PARVA: variants seen among roughly 807,000 people sequenced by gnomAD.
PARVA encodes the protein parvin alpha, also known as alpha-parvin.
A neutral mutation model predicts 52.6 loss-of-function variants in PARVA; 25 were observed. That is an observed-to-expected ratio of 0.48 (90% confidence interval 0.35 to 0.66). The LOEUF (loss-of-function observed/expected upper bound fraction) is 0.66. PARVA is among the 30% of genes least tolerant of loss of function. The pLI is 0.01. For missense variants in PARVA, 373 were observed against 450.9 expected, an observed-to-expected ratio of 0.83 and a Z score of 1.56; for synonymous variants, 185 against 179.1, an observed-to-expected ratio of 1.03 and a Z score of -0.26.
At chr11:12,384,612 A>T (rs962431795) in intron 1 of PARVA, among the ~76,000 whole-genome samples, 5 of 152,226 alleles carry the variant, frequency 3.3e-5, no homozygotes, top group Admixed American at 2.6e-4. Flanking sequence ...AGGCCTCACT[A>T]AGAAGGGTAG....
chr11:12,478,153 T>C, intron 4 of PARVA: 1 of 663,182 alleles, frequency 1.5e-6, no homozygotes, highest in Admixed American at 2.1e-5. Context: ...AGAGGGAGTC[T>C]CCATGACTAG....
intron 1 of PARVA, among the ~76,000 whole-genome samples, chr11:12,415,454 C>A (rs556609585): frequency 2.6e-5 from 4 of 151,836 alleles, no homozygotes; most frequent in Admixed American, 6.6e-5. Flanking sequence ...TCCCCTCCCC[C>A]ACCCCAACAT....
At position 12,475,367 on chromosome 11, in the gene PARVA, C is replaced by T. The variant is rs148974872; in HGVS notation, c.297+1384C>T. On this transcript the variant is annotated intron_variant, in intron 3 of 12. Transcript: ENST00000334956. ...ATAACCCTATCCTTAGTTCTGTTGT[C>T]GTCTCCACGTAATATTATAGCTTCT... Among the ~76,000 whole-genome samples the T allele has an allele frequency of 2.0e-3, 304 of 152,326 alleles. 1 individual carries two copies. Among genetic ancestry groups the T allele is most frequent in the African/African-American group, 6.9e-3 (285 of 41,574 alleles).
chr11:12,456,676 G>A (rs1940701968), intron 1 of PARVA, among the ~76,000 whole-genome samples: 1 of 152,128 alleles, frequency 6.6e-6, no homozygotes, highest in African/African-American at 2.4e-5. Context: ...CCTTTTGTAT[G>A]TCTTGTTCCC....
At chr11:12,422,936 A>G (rs1227042657) in intron 1 of PARVA, among the ~76,000 whole-genome samples, 1 of 151,810 alleles carries the variant, frequency 6.6e-6, no homozygotes, top group Non-Finnish European at 1.5e-5. Context: ...GCTCACTGCA[A>G]CCTCCACCTC....
At chr11:12,522,600 G>A (rs1325235983) in intron 12 of PARVA, among the ~76,000 whole-genome samples, 1 of 151,822 alleles carries the variant, frequency 6.6e-6, no homozygotes, top group Admixed American at 6.6e-5. Flanking sequence ...TGTATTTTTA[G>A]TAGAGACGGG....
At chr11:12,398,558 C>T (rs1189644264) in intron 1 of PARVA, among the ~76,000 whole-genome samples, 2 of 150,164 alleles carry the variant, frequency 1.3e-5, no homozygotes, top group African/African-American at 4.9e-5. Context: ...CACAGTCTAG[C>T]CTCTAGGGAC....
At chr11:12,403,822 C>G (rs142665344) in intron 1 of PARVA, among the ~76,000 whole-genome samples, 1 of 152,188 alleles carries the variant, frequency 6.6e-6, no homozygotes. Context: ...GGGGTTGGCA[C>G]CTCTAGTTAC....
intron 1 of PARVA, among the ~76,000 whole-genome samples, chr11:12,450,135 A>G (rs1940603677): frequency 6.6e-6 from 1 of 152,240 alleles, no homozygotes; most frequent in South Asian, 2.1e-4. Context: ...TAACTTGCCC[A>G]AGGTCACACA....
intron 5 of PARVA, 90 bp downstream of exon 5, chr11:12,496,688 A>G: frequency 7.5e-7 from 1 of 1,340,038 alleles, no homozygotes; most frequent in Non-Finnish European, 1.0e-6. Flanking sequence ...TAAGCTTGGC[A>G]GGCTTCAGGG....
chr11:12,377,282 G>A (rs1387268800), upstream of PARVA: 3 of 550,676 alleles, frequency 5.4e-6, no homozygotes, highest in African/African-American at 4.0e-5. Context: ...TGTGTTTTGC[G>A]CCAGGCTGTG....
chr11:12,455,329 G>A (rs182476927), intron 1 of PARVA, among the ~76,000 whole-genome samples: 10 of 152,248 alleles, frequency 6.6e-5, no homozygotes, highest in East Asian at 1.9e-4. Context: ...GATACATTTC[G>A]ATTTAGAAAA....
chr11:12,512,520 AC>A (rs1282355035), intron 8 of PARVA, among the ~76,000 whole-genome samples: 1 of 151,832 alleles, frequency 6.6e-6, no homozygotes, highest in Non-Finnish European at 1.5e-5. Context: ...CCACTGTGTC[AC>A]CTCTCAGTTC....
chr11:12,527,325 C>T (rs181543430), intron 12 of PARVA, among the ~76,000 whole-genome samples: 157 of 102,330 alleles, frequency 1.5e-3, no homozygotes, highest in African/African-American at 4.7e-3. Context: ...AGGAAGTGAG[C>T]GAGAGAGGGA....
rs1941741514 is a variant in PARVA, at chr11:12,529,187, T to G, written c.*1262T>G. ...CAAGCGAGGAAAAATGTAAGTCATT[T>G]AGACCAAAGCCAAGCAGTTTCTTTG... On this transcript the variant is annotated 3_prime_UTR_variant, in exon 13 of 13. Coordinates refer to ENST00000334956, the MANE Select transcript of PARVA (RefSeq NM_018222.5). 1 of 152,198 alleles carries G rather than the reference T, an allele frequency of 6.6e-6. No homozygotes were observed. The allele number at this position is 152,198 out of a possible 1,614,324, so 9.4% of individuals were successfully genotyped here.
rs1213778367 is a variant in PARVA at position 12,532,030 on chromosome 11, C to A, written c.*4105C>A. The stretch of plus-strand genomic sequence containing the variant: ...TCTCTGCTCCCTGAAAACTGTAACC[C>A]CAGGCTAGCTCCAAACTCTGCTTAT... On this transcript the variant is annotated 3_prime_UTR_variant, in exon 13 of 13. Transcript: ENST00000334956. Among the ~76,000 whole-genome samples, 1 of 152,124 alleles carries A rather than the reference C, an allele frequency of 6.6e-6. No homozygotes were observed. Among genetic ancestry groups the A allele is most frequent in the Admixed American group, 6.5e-5 (1 of 15,272 alleles).
chr11:12,450,353 G>A (rs1940606170), intron 1 of PARVA, among the ~76,000 whole-genome samples: 3 of 152,172 alleles, frequency 2.0e-5, no homozygotes. Context: ...GTATTTCTTA[G>A]ATTAATGTCT....
At chr11:12,397,941 A>G (rs2134961845) in intron 1 of PARVA, among the ~76,000 whole-genome samples, 1 of 152,072 alleles carries the variant, frequency 6.6e-6, no homozygotes, top group East Asian at 1.9e-4. Context: ...CCACACGCAG[A>G]GGTCTGAAGC....
chr11:12,460,451 G>A lies in PARVA; in HGVS notation c.137-13294G>A, dbSNP rs148594035. ...CATGTAAAAAACCAAGTGTTATATC[G>A]ATGCACCTGATACAAGGGACATACA... is the stretch of plus-strand genomic sequence containing the variant. On this transcript the variant is annotated intron_variant, in intron 1 of 12. Coordinates refer to ENST00000334956, the MANE Select transcript of PARVA (RefSeq NM_018222.5). Among the ~76,000 whole-genome samples the A allele has an allele frequency of 9.3e-4, 141 of 152,210 alleles. 2 individuals carry two copies. The South Asian group carries it at 0.019, about 21-fold the overall frequency.
Sources: allele counts gnomAD v4.1 joint callset (sites outside exome capture counted in the v4.1 genomes callset), GRCh38; gene constraint gnomAD v4.1.1; transcripts MANE v1.5; gene names NCBI Gene and HGNC (gene_info 2026-07-23, HGNC 2026-07-21).